GRM8: variants seen among roughly 807,000 people sequenced by gnomAD.
The protein encoded by GRM8 is metabotropic glutamate receptor 8.
Under a neutral mutation model 87.2 loss-of-function variants are expected in GRM8, and 47 were observed. The observed-to-expected ratio is 0.54, with a 90% CI of 0.43 to 0.69. GRM8 has a LOEUF of 0.69. GRM8 is among the 30% of genes least tolerant of loss of function. The probability of loss-of-function intolerance (pLI) is 0.00; values close to 1 mark genes in which losing one functional copy is unlikely to be tolerated. For missense variants in GRM8, 1,019 were observed against 1,139.2 expected, an observed-to-expected ratio of 0.89 and a Z score of 1.52; for synonymous variants, 396 against 404.5, an observed-to-expected ratio of 0.98 and a Z score of 0.25.
intron 6 of GRM8, among the ~76,000 whole-genome samples, chr7:126,776,080 G>A (rs575132584): frequency 2.6e-5 from 4 of 152,076 alleles, no homozygotes; most frequent in African/African-American, 4.8e-5. Flanking sequence ...TTAGATCATC[G>A]AGCATCTTAA....
chr7:127,125,213 C>A (rs1327844711), intron 2 of GRM8, among the ~76,000 whole-genome samples: 1 of 152,008 alleles, frequency 6.6e-6, no homozygotes, highest in Non-Finnish European at 1.5e-5. Flanking sequence ...TTGAAGAATT[C>A]ATTAAATGTT....
chr7:126,477,581 G>GAA (rs1355991858), intron 9 of GRM8, among the ~76,000 whole-genome samples: 3 of 79,182 alleles, frequency 3.8e-5, no homozygotes, highest in South Asian at 4.4e-4. Context: ...GAAAGAAAGA[G>GAA]AGAAAGAAAG....
chr7:127,154,064 G>A (rs1792570591), intron 2 of GRM8, among the ~76,000 whole-genome samples: 1 of 151,994 alleles, frequency 6.6e-6, no homozygotes, highest in Non-Finnish European at 1.5e-5. Flanking sequence ...TCTAGAAACA[G>A]GATCAAAAGA....
chr7:126,519,352 CA>C (rs1812642934), intron 9 of GRM8, among the ~76,000 whole-genome samples: 1 of 151,988 alleles, frequency 6.6e-6, no homozygotes, highest in Admixed American at 6.6e-5. Context: ...AAATTGGTTT[CA>C]CTGAAATGAA....
At chr7:126,575,831 T>A (rs1795067945) in intron 8 of GRM8, among the ~76,000 whole-genome samples, 1 of 152,184 alleles carries the variant, frequency 6.6e-6, no homozygotes, top group Non-Finnish European at 1.5e-5. Flanking sequence ...TGTGTCTCTC[T>A]TATTTTGAGA....
intron 8 of GRM8, among the ~76,000 whole-genome samples, chr7:126,557,450 C>A (rs1793274081): frequency 6.6e-6 from 1 of 152,170 alleles, no homozygotes; most frequent in African/African-American, 2.4e-5. Context: ...GCTTCTGTTT[C>A]CATCTTGCCA....
chr7:127,073,701 C>G (rs1378052372), intron 3 of GRM8, among the ~76,000 whole-genome samples: 1 of 152,112 alleles, frequency 6.6e-6, no homozygotes, highest in Non-Finnish European at 1.5e-5. Flanking sequence ...TTAGGAGCCA[C>G]TCAGGTTCTC....
chr7:127,211,570 C>G (rs1427560709), intron 2 of GRM8, among the ~76,000 whole-genome samples: 1 of 152,226 alleles, frequency 6.6e-6, no homozygotes, highest in Non-Finnish European at 1.5e-5. Flanking sequence ...CAAGTTGACA[C>G]TCAGTATTAA....
intron 3 of GRM8, among the ~76,000 whole-genome samples, chr7:127,044,547 T>G (rs1818748180): frequency 1.3e-5 from 2 of 152,182 alleles, no homozygotes; most frequent in African/African-American, 2.4e-5. Flanking sequence ...GGTACTCTTT[T>G]GAACTACCGT....
chr7:126,516,614 G>A (rs1032289548), intron 9 of GRM8, among the ~76,000 whole-genome samples: 4 of 152,064 alleles, frequency 2.6e-5, no homozygotes, highest in African/African-American at 4.8e-5. Context: ...TAGGATAGCA[G>A]CAAGAAAGAG....
rs144675971 is a variant in GRM8, at chr7:126,507,374, G to A, written c.2430+25578C>T. On this transcript the variant is annotated intron_variant, in intron 9 of 10. Transcript: ENST00000339582. ...TTATAAAATTGAATAAAAATAGCACGTCTTATGGTGTCAGTGTGAGGATGA... is the reference window on the plus strand; with the variant it reads ...TTATAAAATTGAATAAAAATAGCACATCTTATGGTGTCAGTGTGAGGATGA... 2.6e-3 allele frequency among the ~76,000 whole-genome samples: 401 copies of A among 152,150 alleles called. 2 individuals are homozygous for A. Among genetic ancestry groups the A allele is most frequent in the African/African-American group, 8.8e-3 (364 of 41,528 alleles).
In GRM8 at chr7:126,731,900, T is replaced by C. The variant is rs1194044939; in HGVS notation, c.1357+37965A>G. On this transcript the variant is annotated intron_variant, in intron 7 of 10. Coordinates refer to ENST00000339582, the MANE Select transcript of GRM8 (RefSeq NM_000845.3). ...TGTATTATTAAGGAGTATTTTCCCCTTTTTAAATGAGATGTTCTTAAAGCA... is the reference window on the plus strand; with the variant it reads ...TGTATTATTAAGGAGTATTTTCCCCCTTTTAAATGAGATGTTCTTAAAGCA... Among the ~76,000 whole-genome samples, 5 of 152,136 alleles carry C rather than the reference T, an allele frequency of 3.3e-5. No homozygotes were observed. The East Asian group carries it at 5.8e-4, about 18-fold the overall frequency.
chr7:126,618,284 C>T (rs1461194046), intron 7 of GRM8, among the ~76,000 whole-genome samples: 5 of 152,032 alleles, frequency 3.3e-5, no homozygotes, highest in Non-Finnish European at 1.5e-5. Flanking sequence ...GGAAAGGATT[C>T]CCTATTTAAT....
intron 2 of GRM8, among the ~76,000 whole-genome samples, chr7:127,120,761 C>A (rs1415751354): frequency 2.0e-5 from 3 of 152,160 alleles, no homozygotes; most frequent in Non-Finnish European, 4.4e-5. Flanking sequence ...GAAGTTGATG[C>A]CTTGAACATT....
chr7:126,708,526 T>A (rs1190105960), intron 7 of GRM8, among the ~76,000 whole-genome samples: 2 of 150,506 alleles, frequency 1.3e-5, no homozygotes, highest in Admixed American at 1.3e-4. Flanking sequence ...TATGTATATA[T>A]CTATATATAT....
intron 7 of GRM8, among the ~76,000 whole-genome samples, chr7:126,611,673 T>C (rs73722655): frequency 0.026 from 3,961 of 152,320 alleles, 162 homozygotes; most frequent in African/African-American, 0.09. Context: ...ACTCCTTGAC[T>C]CAATGACTCC....
chr7:126,462,107 C>T (rs1425634769), intron 9 of GRM8, among the ~76,000 whole-genome samples: 7 of 151,524 alleles, frequency 4.6e-5, no homozygotes. Context: ...TGCAATAAAA[C>T]TAGTTATGAC....
At chr7:127,104,237 A>T (rs1457675498) in intron 3 of GRM8, among the ~76,000 whole-genome samples, 1 of 152,216 alleles carries the variant, frequency 6.6e-6, no homozygotes, top group African/African-American at 2.4e-5. Flanking sequence ...AATTGAATGT[A>T]TACATCTCTT....
chr7:127,115,261 C>T (rs1826633126), intron 2 of GRM8, among the ~76,000 whole-genome samples: 1 of 152,144 alleles, frequency 6.6e-6, no homozygotes, highest in African/African-American at 2.4e-5. Context: ...GCAGGCCAAG[C>T]AGAAGCTATC....
Sources: gnomAD v4.1 joint callset for allele counts (sites outside exome capture counted in the v4.1 genomes callset) on GRCh38, gnomAD v4.1.1 for gene constraint, MANE v1.5 for transcripts, NCBI Gene and HGNC (gene_info 2026-07-23, HGNC 2026-07-21) for gene names.